Variants in ARID3B observed in about 807,000 individuals in gnomAD.
ARID3B encodes AT-rich interaction domain 3B.
Under a neutral mutation model 51.9 loss-of-function variants are expected in ARID3B, and 10 were observed. That is an observed-to-expected ratio of 0.19 (90% CI 0.12 to 0.33). The LOEUF is 0.33. Ranked by LOEUF, ARID3B falls within the 10% of genes least tolerant of loss-of-function variation. The pLI is 1.00. For missense variants in ARID3B, 483 were observed against 716.3 expected (o/e 0.67, Z 3.72); for synonymous variants, 205 against 279.5 (o/e 0.73, Z 2.66).
At chr15:74,566,645 C>T (rs1212322518) in intron 2 of ARID3B, among the ~76,000 whole-genome samples, 1 of 151,568 alleles carries the variant, frequency 6.6e-6, no homozygotes, top group Non-Finnish European at 1.5e-5. Context: ...GTGAAGGTGT[C>T]CGTTCTATGA....
chr15:74,560,083 T>C (rs1289874657), intron 2 of ARID3B, among the ~76,000 whole-genome samples: 1 of 138,278 alleles, frequency 7.2e-6, no homozygotes, highest in Admixed American at 7.9e-5. Context: ...CACACACCTG[T>C]AATCCCAGCT....
chr15:74,549,477 A>G (rs2061628376), intron 2 of ARID3B, among the ~76,000 whole-genome samples: 1 of 151,928 alleles, frequency 6.6e-6, no homozygotes, highest in African/African-American at 2.4e-5. Flanking sequence ...TGAGGCAGGA[A>G]AATCACTTGA....
At chr15:74,583,333 G>T (rs1596262519) in intron 4 of ARID3B, among the ~76,000 whole-genome samples, 2 of 152,148 alleles carry the variant, frequency 1.3e-5, no homozygotes, top group Admixed American at 1.3e-4. Flanking sequence ...ATATATGTCA[G>T]AATAGCATTT....
At chr15:74,566,688 C>G (rs1421049383) in intron 2 of ARID3B, among the ~76,000 whole-genome samples, 1 of 151,866 alleles carries the variant, frequency 6.6e-6, no homozygotes, top group South Asian at 2.1e-4. Context: ...CAGCCTGGTT[C>G]CAAATCTTCA....
At chr15:74,573,308 G>A (rs959499777) in intron 4 of ARID3B, 104 bp downstream of exon 4, 1 of 1,239,482 alleles carries the variant, frequency 8.1e-7, no homozygotes, top group Non-Finnish European at 1.2e-6. Flanking sequence ...CCTCATCCAG[G>A]AGGAGAAGAG....
chr15:74,542,631 C>T (rs1196565488), intron 1 of ARID3B, among the ~76,000 whole-genome samples: 1 of 152,174 alleles, frequency 6.6e-6, no homozygotes, highest in Non-Finnish European at 1.5e-5. Flanking sequence ...TGTTTTTTGT[C>T]TTTCGACCCA....
chr15:74,577,410 G>A (rs1029096546), intron 4 of ARID3B, among the ~76,000 whole-genome samples: 13 of 151,948 alleles, frequency 8.6e-5, no homozygotes, highest in African/African-American at 2.4e-4. Flanking sequence ...AGCCAAGATC[G>A]CACCATTGCA....
At chr15:74,543,469 C>T (rs2061601633) in intron 1 of ARID3B, among the ~76,000 whole-genome samples, 1 of 152,152 alleles carries the variant, frequency 6.6e-6, no homozygotes, top group South Asian at 2.1e-4. Context: ...AATTATGCTT[C>T]TGCTACAGTG....
intron 2 of ARID3B, among the ~76,000 whole-genome samples, chr15:74,555,790 T>C (rs896587814): frequency 3.5e-5 from 5 of 141,020 alleles, no homozygotes; most frequent in South Asian, 2.4e-4. Context: ...GTATTTCTTT[T>C]TTTTTTTTTT....
intron 4 of ARID3B, among the ~76,000 whole-genome samples, chr15:74,586,053 T>G (rs1026837681): frequency 9.2e-5 from 14 of 152,232 alleles, no homozygotes; most frequent in African/African-American, 3.1e-4. Context: ...CCTTATCAGC[T>G]TGATCTCCAG....
chr15:74,558,588 G>A (rs887850661), intron 2 of ARID3B, among the ~76,000 whole-genome samples: 1 of 152,014 alleles, frequency 6.6e-6, no homozygotes, highest in Middle Eastern at 3.4e-3. Context: ...TGAACCATCT[G>A]TGTTCTTTAA....
chr15:74,555,355 G>A (rs937581547), intron 2 of ARID3B, among the ~76,000 whole-genome samples: 9 of 151,742 alleles, frequency 5.9e-5, no homozygotes, highest in African/African-American at 2.2e-4. Context: ...TTTGAAGCAG[G>A]GTCTCACTCT....
intron 4 of ARID3B, chr15:74,574,521 T>C (rs1180364919): frequency 6.6e-6 from 1 of 152,158 alleles, no homozygotes; most frequent in Admixed American, 6.6e-5. Flanking sequence ...TCCCTACTCC[T>C]TTACCTTTGG....
chr15:74,572,838 A>C (rs766277087), intron 2 of ARID3B, 24 bp from the exon 3 acceptor site: 8 of 1,612,694 alleles, frequency 5.0e-6, no homozygotes, highest in Non-Finnish European at 6.8e-6. Context: ...GCCCCTCTCA[A>C]CTTTGTGTTT....
chr15:74,558,109 C>G (rs1343776748), intron 2 of ARID3B, among the ~76,000 whole-genome samples: 2 of 151,648 alleles, frequency 1.3e-5, no homozygotes, highest in Non-Finnish European at 2.9e-5. Flanking sequence ...GCGTGAGCCA[C>G]GCGCCCGGCC....
chr15:74,592,470 C>T (rs563615324), intron 7 of ARID3B, among the ~76,000 whole-genome samples: 1 of 152,178 alleles, frequency 6.6e-6, no homozygotes, highest in Non-Finnish European at 1.5e-5. Flanking sequence ...TATACATATT[C>T]CCAGGCTGCC....
intron 4 of ARID3B, among the ~76,000 whole-genome samples, chr15:74,582,895 G>A (rs1326231088): frequency 6.6e-6 from 1 of 152,050 alleles, no homozygotes; most frequent in African/African-American, 2.4e-5. Context: ...CTACACAGCC[G>A]TAGAAAGTTA....
chr15:74,543,836 T>A, intron 1 of ARID3B, 24 bp from the exon 2 acceptor site: 1 of 1,455,416 alleles, frequency 6.9e-7, no homozygotes, highest in African/African-American at 1.4e-5. Flanking sequence ...CCCTCCTTCT[T>A]TGTGGTTTCT....
chr15:74,563,491 G>T (rs1460403771), intron 2 of ARID3B, among the ~76,000 whole-genome samples: 1 of 152,056 alleles, frequency 6.6e-6, no homozygotes, highest in Admixed American at 6.5e-5. Context: ...GTGTTGTTTG[G>T]GGGGAAAAAA....
Sources: gnomAD v4.1 joint callset for allele counts (sites outside exome capture counted in the v4.1 genomes callset) on GRCh38, gnomAD v4.1.1 for gene constraint, MANE v1.5 for transcripts, NCBI Gene and HGNC (gene_info 2026-07-23, HGNC 2026-07-21) for gene names.